HMGN4: variants seen among roughly 807,000 people sequenced by gnomAD.
HMGN4 encodes the protein high mobility group nucleosomal binding domain 4, also known as high mobility group nucleosome-binding domain-containing protein 4.
For missense variants in HMGN4, 69 were observed against 104.9 expected, an observed-to-expected ratio of 0.66 and a Z score of 1.49; for synonymous variants, 39 against 39.1, an observed-to-expected ratio of 1.00 and a Z score of 0.01.
chr6:26,538,689 C>G (rs1211870528), intron 1 of HMGN4, among the ~76,000 whole-genome samples, 188 bp downstream of exon 1: 1 of 152,316 alleles, frequency 6.6e-6, no homozygotes, highest in East Asian at 1.9e-4. Context: ...TCCTGAGCTC[C>G]GAGTGTGAAT....
Position 26,545,168 on chromosome 6 carries a change from A to C in HMGN4, c.-39A>C, listed in dbSNP as rs766842506. On this transcript the variant is annotated 5_prime_UTR_variant, in exon 2 of 2. Coordinates refer to ENST00000377575, the MANE Select transcript of HMGN4 (RefSeq NM_006353.3). ...AGCGTGAGGAGGACAGAAGCACCCA[A>C]CAGGACTGCTCAAGCCACCTGCGAA... 1.9e-6 allele frequency: 3 copies of C among 1,542,834 alleles called. No individual in the cohort carries two copies. The highest frequency in any genetic ancestry group is 1.3e-5 in the South Asian group (1 of 78,496).
In HMGN4 at chr6:26,545,482, T is replaced by C. The variant is rs765064772; in HGVS notation, c.*3T>C. ...AAGGCACTGGGGATGCCAAGTGAAA[T>C]GTACATTTTTGAGAGCTCTGTACTT... On this transcript the variant is annotated 3_prime_UTR_variant, in exon 2 of 2. Coordinates refer to ENST00000377575, the MANE Select transcript of HMGN4 (RefSeq NM_006353.3). 9.1e-6 allele frequency: 14 copies of C among 1,542,048 alleles called. No individual in the cohort carries two copies. In the East Asian group the frequency reaches 3.2e-4, roughly 35 times the overall value.
chr6:26,543,224 T>A (rs1581446343), intron 1 of HMGN4, among the ~76,000 whole-genome samples: 1 of 152,126 alleles, frequency 6.6e-6, no homozygotes, highest in East Asian at 1.9e-4. Context: ...TTTTCACTGG[T>A]TCCTTCATTG....
chr6:26,543,952 T>TG (rs1194172426), intron 1 of HMGN4, among the ~76,000 whole-genome samples: 3 of 152,104 alleles, frequency 2.0e-5, no homozygotes, highest in African/African-American at 7.2e-5. Context: ...TGCCCATGAA[T>TG]GCCAGCCCTA....
intron 1 of HMGN4, among the ~76,000 whole-genome samples, chr6:26,544,823 G>T (rs542237043): frequency 1.3e-5 from 2 of 151,992 alleles, no homozygotes; most frequent in Non-Finnish European, 2.9e-5. Context: ...ATATTTTTAG[G>T]TGCTTATTCC....
At chr6:26,543,289 C>A (rs1287269420) in intron 1 of HMGN4, among the ~76,000 whole-genome samples, 1 of 151,548 alleles carries the variant, frequency 6.6e-6, no homozygotes, top group Non-Finnish European at 1.5e-5. Context: ...CTTAATGTTG[C>A]ATTTGAAATA....
chr6:26,541,974 T>C (rs1365486566), intron 1 of HMGN4, among the ~76,000 whole-genome samples: 1 of 152,252 alleles, frequency 6.6e-6, no homozygotes, highest in Non-Finnish European at 1.5e-5. Context: ...TGTTGCCATG[T>C]CTTGGGAAAA....
chr6:26,539,813 T>C (rs955973531), intron 1 of HMGN4: 3 of 152,166 alleles, frequency 2.0e-5, no homozygotes, highest in African/African-American at 7.2e-5. Context: ...AGATAATATC[T>C]TGGTTAGCAA....
intron 1 of HMGN4, chr6:26,540,083 T>C (rs1445231815): frequency 6.6e-6 from 1 of 152,186 alleles, no homozygotes; most frequent in Non-Finnish European, 1.5e-5. Context: ...AGCTTATGGC[T>C]CACTCCTTCT....
chr6:26,544,558 A>G (rs915012047), intron 1 of HMGN4, among the ~76,000 whole-genome samples: 1 of 149,868 alleles, frequency 6.7e-6, no homozygotes, highest in East Asian at 2.0e-4. Context: ...TCTCCTGTCC[A>G]CACCTCCAAG....
intron 1 of HMGN4, among the ~76,000 whole-genome samples, chr6:26,544,557 C>T (rs537689883): frequency 6.8e-6 from 1 of 147,876 alleles, no homozygotes; most frequent in Non-Finnish European, 1.5e-5. Context: ...ATCTCCTGTC[C>T]ACACCTCCAA....
intron 1 of HMGN4, among the ~76,000 whole-genome samples, chr6:26,538,731 C>T (rs1023130740): frequency 6.6e-6 from 1 of 152,186 alleles, no homozygotes; most frequent in South Asian, 2.1e-4. Flanking sequence ...GAGGTGGGGT[C>T]ACAGAGAGCC....
At chr6:26,540,450 T>A (rs1764275786) in intron 1 of HMGN4, among the ~76,000 whole-genome samples, 1 of 151,918 alleles carries the variant, frequency 6.6e-6, no homozygotes, top group Admixed American at 6.6e-5. Flanking sequence ...TTCTCCTGCC[T>A]CAGCTTCCCA....
At position 26,545,275 on chromosome 6, in the gene HMGN4, G is replaced by A. The variant is rs887821076; in HGVS notation, c.69G>A (p.Arg23=). ...DKAKVKDEPQ[R]RSARLSAKPA... is the part of the protein sequence containing the mutation. ...CAAAGGTGAAGGATGAGCCACAGAG[G>A]AGATCAGCTCGGTTGTCTGCTAAAC... The change falls in exon 2 of 2, where the codon AGG becomes AGA. Residue 23 remains arginine (R), a synonymous_variant. Transcript: ENST00000377575. 2.5e-5 allele frequency: 40 copies of A among 1,614,156 alleles called. No individual in the cohort carries two copies. The Middle Eastern group carries it at 9.9e-4, about 40-fold the overall frequency.
chr6:26,543,623 T>A (rs1214388275), intron 1 of HMGN4, among the ~76,000 whole-genome samples: 3 of 147,226 alleles, frequency 2.0e-5, no homozygotes, highest in Non-Finnish European at 3.0e-5. Context: ...TGGCTGGGTA[T>A]GGTGGCGTGC....
intron 1 of HMGN4, among the ~76,000 whole-genome samples, chr6:26,543,222 G>A (rs1041632464): frequency 6.6e-6 from 1 of 151,948 alleles, no homozygotes; most frequent in African/African-American, 2.4e-5. Flanking sequence ...GATTTTCACT[G>A]GTTCCTTCAT....
At chr6:26,543,588 C>G (rs760757872) in intron 1 of HMGN4, among the ~76,000 whole-genome samples, 28 of 146,668 alleles carry the variant, frequency 1.9e-4, no homozygotes, top group Non-Finnish European at 3.4e-4. Context: ...CGGTGAAACC[C>G]TGTCTCTAGT....
rs1040604326 is a variant in HMGN4, at chr6:26,545,608, T to G, written c.*129T>G. ...GTTATGTTGTTAGCACACAGGACAC[T>G]TCCTTGTTGTCTTTTGTGGAAAGGG... On this transcript the variant is annotated 3_prime_UTR_variant, in exon 2 of 2. Coordinates refer to ENST00000377575, the MANE Select transcript of HMGN4 (RefSeq NM_006353.3). 1 of 702,172 alleles carries G rather than the reference T, an allele frequency of 1.4e-6. No homozygotes were observed. The highest frequency in any genetic ancestry group is 2.2e-6 in the Non-Finnish European group (1 of 460,304). The allele number at this position is 702,172 out of a possible 1,614,324, so 43.5% of individuals were successfully genotyped here.
chr6:26,545,036 G>C, intron 1 of HMGN4, 91 bp from the exon 2 acceptor site: 1 of 454,592 alleles, frequency 2.2e-6, no homozygotes, highest in Non-Finnish European at 3.8e-6. Context: ...TGATATACAC[G>C]AATTATTAAC....
Sources: allele counts gnomAD v4.1 joint callset (sites outside exome capture counted in the v4.1 genomes callset), GRCh38; gene constraint gnomAD v4.1.1; transcripts MANE v1.5; gene names NCBI Gene and HGNC (gene_info 2026-07-23, HGNC 2026-07-21).